Variants in SDC1 observed in about 807,000 individuals in gnomAD.
SDC1 encodes syndecan 1, also known as syndecan-1.
SDC1 carries 14 observed loss-of-function variants against 29.7 expected under a neutral mutation model. That is an observed-to-expected ratio of 0.47 (90% CI 0.31 to 0.74). The LOEUF (loss-of-function observed/expected upper bound fraction) is 0.74, where lower values mean the gene tolerates loss of function less well. Among genes scored for constraint, SDC1 ranks in the 30% least tolerant of loss-of-function variants. The pLI is 0.05. For synonymous variants in SDC1, 204 were observed against 175.5 expected (o/e 1.16, Z -1.29); for missense variants, 406 against 400.3 (o/e 1.01, Z -0.12).
At position 20,219,002 on chromosome 2, in the gene SDC1, G is replaced by C. The variant is rs564083972; in HGVS notation, c.66+5800C>G. Among the ~76,000 whole-genome samples the C allele has an allele frequency of 7.2e-5, 11 of 152,254 alleles. No homozygotes were observed. The East Asian group carries it at 2.1e-3, about 29-fold the overall frequency. Reference sequence around the variant, plus strand: ...CAGAGACCCTTGAGGGGCTCCCAGTGGGGAGAGGAACCAGTGGCAGCCTCG... The same window carrying C: ...CAGAGACCCTTGAGGGGCTCCCAGTCGGGAGAGGAACCAGTGGCAGCCTCG... On this transcript the variant is annotated intron_variant, in intron 1 of 4. Coordinates refer to ENST00000254351, the MANE Select transcript of SDC1 (RefSeq NM_002997.5).
rs1558429011 is a variant in SDC1, at chr2:20,202,730, T to A, written c.*36A>T. The A allele has an allele frequency of 6.4e-7, 1 of 1,552,616 alleles. No homozygotes were observed. The highest frequency in any genetic ancestry group is 8.7e-7 in the Non-Finnish European group (1 of 1,147,340). On this transcript the variant is annotated 3_prime_UTR_variant, in exon 5 of 5. Coordinates refer to ENST00000254351, the MANE Select transcript of SDC1 (RefSeq NM_002997.5). ...AAGGAAGAGGCAAGTGGGGGCCTAGTGAGTGGCAGGGCGGAGGGGGCGCAT... is the reference window on the plus strand; with the variant it reads ...AAGGAAGAGGCAAGTGGGGGCCTAGAGAGTGGCAGGGCGGAGGGGGCGCAT...
At chr2:20,209,806 C>G (rs1677402415) in intron 1 of SDC1, among the ~76,000 whole-genome samples, 1 of 152,264 alleles carries the variant, frequency 6.6e-6, no homozygotes, top group Non-Finnish European at 1.5e-5. Context: ...TGCAGCTCCT[C>G]TGCAAGACAG....
chr2:20,205,964 G>C (rs1219468833), intron 1 of SDC1, among the ~76,000 whole-genome samples: 1 of 152,228 alleles, frequency 6.6e-6, no homozygotes, highest in Non-Finnish European at 1.5e-5. Context: ...TACCGAGGAC[G>C]GCACAAGGGG....
intron 1 of SDC1, among the ~76,000 whole-genome samples, chr2:20,211,954 C>T (rs1259030621): frequency 6.6e-6 from 1 of 152,246 alleles, no homozygotes; most frequent in Non-Finnish European, 1.5e-5. Context: ...GCAAGGGTCT[C>T]TGGGAAAGGG....
chr2:20,203,014 T>G (rs1289910952), intron 4 of SDC1, 73 bp downstream of exon 4: 1 of 1,567,302 alleles, frequency 6.4e-7, no homozygotes, highest in African/African-American at 1.4e-5. Context: ...GCAGTGGCCT[T>G]GGCTGTGGTC....
rs774939806 is a variant in SDC1, at chr2:20,203,932, G to A, written c.508C>T (p.Pro170Ser). ...GGAGTGTGAAGGTCAGCTTGGCTGG[G>A]TCCTGCAGGGGTTGAGGTCTCATGG... is the stretch of plus-strand genomic sequence containing the variant. ...GHHETSTPAGPSQADLHTPHT... is the reference protein window; with the variant it reads ...GHHETSTPAGSSQADLHTPHT... Residue 170 changes from proline to serine, a missense_variant, in exon 3 of 5, where the codon CCC becomes TCC. Physicochemically the swap from Pro to Ser is moderately conservative, Grantham distance 74. Transcript: ENST00000254351. 5.0e-6 allele frequency: 8 copies of A among 1,613,902 alleles called. No homozygotes were observed. The highest frequency in any genetic ancestry group is 6.8e-6 in the Non-Finnish European group (8 of 1,180,004).
intron 1 of SDC1, among the ~76,000 whole-genome samples, chr2:20,219,037 G>T (rs897516451): frequency 2.0e-5 from 3 of 152,206 alleles, no homozygotes; most frequent in African/African-American, 7.2e-5. Flanking sequence ...GGGAAGCCCC[G>T]AGCGCAGCAG....
Position 20,201,938 on chromosome 2 carries a change from C to A in SDC1, c.*828G>T, listed in dbSNP as rs1475864528. On this transcript the variant is annotated 3_prime_UTR_variant, in exon 5 of 5. Transcript: ENST00000254351. Reference sequence around the variant, plus strand: ...CACGACTGCTTGAAAGAGGCGGCGGCCCCACGGCAGCCTGGACTGGCCAGC... The same window carrying A: ...CACGACTGCTTGAAAGAGGCGGCGGACCCACGGCAGCCTGGACTGGCCAGC... 1.8e-5 allele frequency: 5 copies of A among 278,366 alleles called. No individual in the cohort carries two copies. The highest frequency in any genetic ancestry group is 1.6e-4 in the Admixed American group (3 of 18,654). The allele number at this position is 278,366 out of a possible 1,614,324, so 17.2% of individuals were successfully genotyped here.
At chr2:20,210,621 C>T (rs755635424) in intron 1 of SDC1, among the ~76,000 whole-genome samples, 5 of 152,194 alleles carry the variant, frequency 3.3e-5, no homozygotes, top group South Asian at 2.1e-4. Context: ...CGTGTGGCCA[C>T]GAAATCCCCG....
intron 1 of SDC1, among the ~76,000 whole-genome samples, chr2:20,217,918 T>C (rs1344824577): frequency 6.6e-6 from 1 of 152,076 alleles, no homozygotes; most frequent in Non-Finnish European, 1.5e-5. Flanking sequence ...GGCACCTCTG[T>C]CCACTCCAGC....
Position 20,202,294 on chromosome 2 carries a change from A to G in SDC1, c.*472T>C, listed in dbSNP as rs370112136. On this transcript the variant is annotated 3_prime_UTR_variant, in exon 5 of 5. Transcript: ENST00000254351. ...TCTAGATTAGACCTCCCCACGAAACAAAGTGGACTCCTGTCCCCTGCCACT... is the reference window on the plus strand; with the variant it reads ...TCTAGATTAGACCTCCCCACGAAACGAAGTGGACTCCTGTCCCCTGCCACT... 390 of 779,244 alleles carry G rather than the reference A, an allele frequency of 5.0e-4. 1 individual carries two copies. The African/African-American group carries it at 5.9e-3, about 12-fold the overall frequency. 48.3% of individuals were successfully genotyped at this position (779,244 alleles called of 1,614,324 possible).
In SDC1 at chr2:20,204,271, A is replaced by C; in HGVS notation, c.169T>G (p.Leu57Val). 1 of 1,444,416 alleles carries C rather than the reference A, an allele frequency of 6.9e-7. No homozygotes were observed. Among genetic ancestry groups the C allele is most frequent in the South Asian group, 1.1e-5 (1 of 89,220 alleles). 89.5% of individuals were successfully genotyped at this position (1,444,416 alleles called of 1,614,324 possible). Residue 57 changes from leucine to valine, a missense_variant, in exon 3 of 5, where the codon TTG (leucine) becomes GTG (valine). Coordinates refer to ENST00000254351, the MANE Select transcript of SDC1 (RefSeq NM_002997.5). Reference protein sequence around the residue: ...SGAGALQDITLSQQTPSTWKD... With the variant: ...SGAGALQDITVSQQTPSTWKD... ...CAAGTGGAGGGGGTCTGCTGTGACA[A>C]GGTGATATCTTGCAAAGCACCTGCA...
chr2:20,206,071 T>C (rs1677261023), intron 1 of SDC1, among the ~76,000 whole-genome samples: 1 of 152,170 alleles, frequency 6.6e-6, no homozygotes. Context: ...TTCCCACACT[T>C]GGCCCAGTTC....
At chr2:20,208,862 C>T (rs577640623) in intron 1 of SDC1, among the ~76,000 whole-genome samples, 2 of 152,318 alleles carry the variant, frequency 1.3e-5, no homozygotes, top group Admixed American at 1.3e-4. Flanking sequence ...GTTCATAGAA[C>T]GAATCAACAA....
At chr2:20,222,200 C>G (rs2148298401) in intron 1 of SDC1, among the ~76,000 whole-genome samples, 1 of 152,252 alleles carries the variant, frequency 6.6e-6, no homozygotes, top group Non-Finnish European at 1.5e-5. Context: ...TAGCAGCCTC[C>G]CCTCACCCAT....
rs375061107 is a variant in SDC1 at position 20,203,071 on chromosome 2, C to T, written c.763+16G>A. 6.3e-7 allele frequency: 1 copy of T among 1,588,874 alleles called. No individual in the cohort carries two copies. On this transcript the variant is annotated intron_variant, in intron 4 of 4. Coordinates refer to ENST00000254351, the MANE Select transcript of SDC1 (RefSeq NM_002997.5). The stretch of plus-strand genomic sequence containing the variant: ...CAGCAATTCACCCCAAACTACCCCC[C>T]TGAAAGAAAACTCACCTCCCAGCAC...
intron 1 of SDC1, among the ~76,000 whole-genome samples, chr2:20,216,428 C>G (rs1677628311): frequency 6.6e-6 from 1 of 152,208 alleles, no homozygotes; most frequent in Admixed American, 6.5e-5. Flanking sequence ...CTGGGAGAAG[C>G]TGGAATGACA....
intron 1 of SDC1, among the ~76,000 whole-genome samples, chr2:20,213,420 G>A (rs1418480091): frequency 6.6e-6 from 1 of 152,272 alleles, no homozygotes; most frequent in Non-Finnish European, 1.5e-5. Context: ...CCCAAGACTC[G>A]CCAAACACCC....
rs368441944 is a variant in SDC1 at position 20,203,773 on chromosome 2, C to A, written c.627+40G>T. On this transcript the variant is annotated intron_variant, in intron 3 of 4. Coordinates refer to ENST00000254351, the MANE Select transcript of SDC1 (RefSeq NM_002997.5). ...CCTGCCAAGTGCCAGGCATTAGGACCAACCCACTCAATTTCCCAAGGAATG... is the reference window on the plus strand; with the variant it reads ...CCTGCCAAGTGCCAGGCATTAGGACAAACCCACTCAATTTCCCAAGGAATG... The A allele has an allele frequency of 9.1e-6, 13 of 1,432,394 alleles. No individual in the cohort carries two copies. The African/African-American group carries it at 1.9e-4, about 21-fold the overall frequency. The allele number at this position is 1,432,394 out of a possible 1,614,324, so 88.7% of individuals were successfully genotyped here. A position where few individuals can be genotyped will look rare whatever the true frequency, so the allele number is the denominator to read the frequency against.
Sources: allele counts gnomAD v4.1 joint callset (sites outside exome capture counted in the v4.1 genomes callset), GRCh38; gene constraint gnomAD v4.1.1; transcripts MANE v1.5; gene names NCBI Gene and HGNC (gene_info 2026-07-23, HGNC 2026-07-21).